Variants in CSRP2 observed in about 807,000 individuals in gnomAD.
The protein encoded by CSRP2 is cysteine and glycine rich protein 2, also known as cysteine and glycine-rich protein 2.
CSRP2 carries 18 observed loss-of-function variants against 24.6 expected under a neutral mutation model. That is an observed-to-expected ratio of 0.73 (90% CI 0.51 to 1.09). The LOEUF (loss-of-function observed/expected upper bound fraction) is 1.09, where lower values mean the gene tolerates loss of function less well. Among genes scored for constraint, CSRP2 ranks in the 50% least tolerant of loss-of-function variants. The pLI, the probability that CSRP2 is intolerant of heterozygous loss-of-function variation, is 0.00. For missense variants in CSRP2, 215 were observed against 239.4 expected, an observed-to-expected ratio of 0.90 and a Z score of 0.67; for synonymous variants, 87 against 84.3, an observed-to-expected ratio of 1.03 and a Z score of -0.18.
Position 76,860,428 on chromosome 12 carries a change from A to G in CSRP2, c.282-15T>C, listed in dbSNP as rs201242706. 0.089 allele frequency: 26,239 copies of G among 295,988 alleles called. 387 individuals carry two copies. The highest frequency in any genetic ancestry group is 0.23 in the African/African-American group (5,895 of 25,150). 18.3% of individuals were successfully genotyped at this position (295,988 alleles called of 1,614,324 possible). On this transcript the variant is annotated splice_polypyrimidine_tract_variant and intron_variant, in intron 3 of 5. Coordinates refer to ENST00000311083, the MANE Select transcript of CSRP2 (RefSeq NM_001321.3). ...GAGGCTGAACACTTGTGAAAAGAGG[A>G]AAAAAAAAGTAGGCAAGAGTTTCCA...
At position 76,862,725 on chromosome 12, in the gene CSRP2, A is replaced by C. The variant is rs532867183; in HGVS notation, c.281+451T>G. ...GAAGTAATTTCCATTTTTAAGTAAA[A>C]AATTTTAAGTTAGAGAAAAGTGATT... is the stretch of plus-strand genomic sequence containing the variant. On this transcript the variant is annotated intron_variant, in intron 3 of 5. Transcript: ENST00000311083. 1.1e-5 allele frequency: 15 copies of C among 1,312,298 alleles called. 1 individual carries two copies. In the African/African-American group the frequency reaches 1.8e-4, roughly 16 times the overall value. 81.3% of individuals were successfully genotyped at this position (1,312,298 alleles called of 1,614,324 possible).
At chr12:76,860,118 T>A (rs1354718022) in intron 4 of CSRP2, among the ~76,000 whole-genome samples, 166 bp downstream of exon 4, 2 of 152,172 alleles carry the variant, frequency 1.3e-5, no homozygotes, top group East Asian at 1.9e-4. Flanking sequence ...AATAAGGGAA[T>A]CACTTCAAAA....
At chr12:76,874,476 T>A (rs1953833653) in intron 1 of CSRP2, among the ~76,000 whole-genome samples, 1 of 152,190 alleles carries the variant, frequency 6.6e-6, no homozygotes, top group Admixed American at 6.5e-5. Context: ...GTTGTAAAGA[T>A]TTAATGAGAT....
At position 76,860,327 on chromosome 12, in the gene CSRP2, C is replaced by A. The variant is rs759904407; in HGVS notation, c.368G>T (p.Gly123Val). The A allele has an allele frequency of 6.2e-7, 1 of 1,614,096 alleles. No homozygotes were observed. The highest frequency in any genetic ancestry group is 2.2e-5 in the East Asian group (1 of 44,876). Residue 123 changes from glycine (G) to valine (V), a missense_variant, in exon 4 of 6, where the codon GGG becomes GTG. Coordinates refer to ENST00000311083, the MANE Select transcript of CSRP2 (RefSeq NM_001321.3). Reference protein sequence around the residue: ...YGGAEKCSRCGDSVYAAEKII... With the variant: ...YGGAEKCSRCVDSVYAAEKII... ...CTTCTCGGCAGCATATACAGAATCC[C>A]CACATCTGGAACACTTCTCAGCACC...
chr12:76,862,306 C>G (rs1420980530), intron 3 of CSRP2: 1 of 152,050 alleles, frequency 6.6e-6, no homozygotes, highest in Non-Finnish European at 1.5e-5. Context: ...TTTGGGAGGC[C>G]GAGATAAGTA....
intron 1 of CSRP2, chr12:76,878,313 T>C (rs1354906107): frequency 2.6e-5 from 4 of 152,248 alleles, no homozygotes; most frequent in Admixed American, 1.3e-4. Flanking sequence ...GTGATTGACA[T>C]TCCCTGCTGT....
intron 3 of CSRP2, chr12:76,860,653 G>A (rs1953666884): frequency 5.4e-6 from 2 of 367,612 alleles, no homozygotes; most frequent in Non-Finnish European, 5.0e-6. Context: ...GGACCCAAAC[G>A]TAAAGATCTG....
intron 4 of CSRP2, 79 bp from the exon 5 acceptor site, chr12:76,859,719 T>C: frequency 9.7e-7 from 1 of 1,030,928 alleles, no homozygotes; most frequent in Non-Finnish European, 1.4e-6. Context: ...AAGAAGTGGC[T>C]CAGGATGATC....
chr12:76,874,229 T>A (rs1953830318), intron 1 of CSRP2, among the ~76,000 whole-genome samples: 1 of 152,230 alleles, frequency 6.6e-6, no homozygotes, highest in Non-Finnish European at 1.5e-5. Flanking sequence ...CAGTCCAGGT[T>A]CTACAATCAA....
intron 1 of CSRP2, among the ~76,000 whole-genome samples, chr12:76,876,755 T>C (rs564906147): frequency 6.6e-6 from 1 of 152,262 alleles, no homozygotes; most frequent in African/African-American, 2.4e-5. Flanking sequence ...CCAGGCAAGG[T>C]CTAGGAAACG....
At chr12:76,878,748 G>A (rs889190286) in intron 1 of CSRP2, among the ~76,000 whole-genome samples, 190 bp downstream of exon 1, 3 of 152,240 alleles carry the variant, frequency 2.0e-5, no homozygotes, top group Non-Finnish European at 4.4e-5. Context: ...GGGGATAAGA[G>A]AGAGAAAATC....
At chr12:76,872,908 C>T (rs1021290672) in intron 1 of CSRP2, among the ~76,000 whole-genome samples, 8 of 152,212 alleles carry the variant, frequency 5.3e-5, no homozygotes, top group African/African-American at 1.9e-4. Flanking sequence ...ATCAAGAACC[C>T]TTGTGTTCCT....
chr12:76,873,689 C>G (rs1305046427), intron 1 of CSRP2, among the ~76,000 whole-genome samples: 1 of 152,152 alleles, frequency 6.6e-6, no homozygotes, highest in Non-Finnish European at 1.5e-5. Context: ...GATGAGGTAA[C>G]GCTTGCATAG....
In CSRP2 at chr12:76,860,409, GA is replaced by G. The variant is rs1953663697; in HGVS notation, c.285del (p.Gln96SerfsTer37). The G allele has an allele frequency of 1.3e-6, 2 of 1,597,688 alleles. No homozygotes were observed. The highest frequency in any genetic ancestry group is 2.8e-5 in the African/African-American group (2 of 71,246). ...GGATTTGTTGTAGGCCTGTGAGGCTGAACACTTGTGAAAAGAGGAAAAAAAA... is the reference window on the plus strand; with the variant it reads ...GGATTTGTTGTAGGCCTGTGAGGCTGACACTTGTGAAAAGAGGAAAAAAAA... ...GERLGIKPES[V>X]QPHRPTTNPN... On this transcript the variant is annotated frameshift_variant, in exon 4 of 6. Coordinates refer to ENST00000311083, the MANE Select transcript of CSRP2 (RefSeq NM_001321.3). LOFTEE classifies it high-confidence loss of function.
chr12:76,860,617 C>T (rs950923635), intron 3 of CSRP2: 16 of 465,528 alleles, frequency 3.4e-5, no homozygotes, highest in Non-Finnish European at 5.6e-5. Context: ...TCTATGGGCT[C>T]ATTATTATTT....
intron 3 of CSRP2, 133 bp downstream of exon 3, chr12:76,863,043 A>G: frequency 2.8e-6 from 4 of 1,443,128 alleles, no homozygotes; most frequent in South Asian, 3.0e-5. Flanking sequence ...ACTAGTTGAC[A>G]TTAGAAAATC....
chr12:76,863,199 C>T lies in CSRP2; in HGVS notation c.258G>A (p.Glu86=), dbSNP rs772175837. The T allele has an allele frequency of 2.0e-5, 33 of 1,613,594 alleles. No individual in the cohort carries two copies. The highest frequency in any genetic ancestry group is 3.3e-5 in the Admixed American group (2 of 59,956). The change falls in exon 3 of 6, where the codon GAG becomes GAA. Residue 86 remains glutamate, a synonymous_variant. Coordinates refer to ENST00000311083, the MANE Select transcript of CSRP2 (RefSeq NM_001321.3). ...GAGTLNMDRG[E]RLGIKPESVQ... is the part of the protein sequence containing the mutation. ...ACCTCTCTGGTTTGATGCCCAGCCT[C>T]TCGCCACGGTCCATGTTAAGCGTGC... is the stretch of plus-strand genomic sequence containing the variant.
In CSRP2 at chr12:76,859,569, T is replaced by C; in HGVS notation, c.483A>G (p.Lys161=). Residue 161 remains lysine, a synonymous_variant, in exon 5 of 6, where the codon AAA becomes AAG. Transcript: ENST00000311083. ...KSLESTTLTE[K]EGEIYCKGCY... ...TACCTTTACAATAGATTTCACCTTC[T>C]TTTTCAGTCAGAGTTGTTGATTCAA... is the stretch of plus-strand genomic sequence containing the variant. 1.2e-6 allele frequency: 2 copies of C among 1,613,512 alleles called. No individual in the cohort carries two copies. Among genetic ancestry groups the C allele is most frequent in the Non-Finnish European group, 1.7e-6 (2 of 1,179,608 alleles).
chr12:76,877,978 CAA>C (rs201619745), intron 1 of CSRP2, among the ~76,000 whole-genome samples: 2 of 109,646 alleles, frequency 1.8e-5, no homozygotes, highest in African/African-American at 6.4e-5. Flanking sequence ...CCCCACCCCC[CAA>C]AAAAAATTCT....
Sources: gnomAD v4.1 joint callset for allele counts (sites outside exome capture counted in the v4.1 genomes callset) on GRCh38, gnomAD v4.1.1 for gene constraint, MANE v1.5 for transcripts, NCBI Gene and HGNC (gene_info 2026-07-23, HGNC 2026-07-21) for gene names.